The following ITPR1 variants were observed in gnomAD, a reference collection of about 807,000 sequenced individuals.
ITPR1 encodes inositol 1,4,5-trisphosphate-gated calcium channel ITPR1.
A neutral mutation model predicts 318.4 loss-of-function variants in ITPR1; 96 were observed. The observed-to-expected ratio is 0.30, with a 90% CI of 0.26 to 0.36. ITPR1 has a LOEUF of 0.36. ITPR1 is among the 10% of genes least tolerant of loss of function. ITPR1 has a pLI of 1.00. For synonymous variants in ITPR1, 1,312 were observed against 1,289.9 expected (o/e 1.02, Z -0.37); for missense variants, 2,440 against 3,460.2 (o/e 0.71, Z 7.40).
intron 37 of ITPR1, among the ~76,000 whole-genome samples, chr3:4,708,049 A>G (rs1251239333): frequency 6.6e-6 from 1 of 152,154 alleles, no homozygotes; most frequent in Non-Finnish European, 1.5e-5. Flanking sequence ...AAAGATTCTG[A>G]TGAGGAAACT....
chr3:4,778,553 G>A (rs1378499050), intron 48 of ITPR1, among the ~76,000 whole-genome samples: 1 of 152,126 alleles, frequency 6.6e-6, no homozygotes, highest in Non-Finnish European at 1.5e-5. Context: ...TTGGGTGTGT[G>A]GTTTAAATGG....
At chr3:4,742,849 T>A (rs1575091412) in intron 44 of ITPR1, among the ~76,000 whole-genome samples, 1 of 152,238 alleles carries the variant, frequency 6.6e-6, no homozygotes, top group Non-Finnish European at 1.5e-5. Context: ...ATATTTTCTA[T>A]TTTTGCATAG....
intron 4 of ITPR1, among the ~76,000 whole-genome samples, chr3:4,524,924 G>C (rs904909906): frequency 1.3e-5 from 2 of 152,186 alleles, no homozygotes; most frequent in Non-Finnish European, 2.9e-5. Flanking sequence ...TAAGGTCATT[G>C]AGAAGATTAA....
At chr3:4,737,871 T>C (rs1044880904) in intron 44 of ITPR1, among the ~76,000 whole-genome samples, 2 of 152,222 alleles carry the variant, frequency 1.3e-5, no homozygotes, top group South Asian at 2.1e-4. Context: ...GTTACATGAC[T>C]GTGCACATGT....
chr3:4,737,417 A>G (rs1321367749), intron 44 of ITPR1, among the ~76,000 whole-genome samples: 1 of 152,164 alleles, frequency 6.6e-6, no homozygotes, highest in Non-Finnish European at 1.5e-5. Context: ...GAAAGGGGGA[A>G]ATTGGGCATG....
At chr3:4,702,168 T>C (rs923218819) in intron 35 of ITPR1, among the ~76,000 whole-genome samples, 2 of 152,212 alleles carry the variant, frequency 1.3e-5, no homozygotes, top group Non-Finnish European at 2.9e-5. Flanking sequence ...GTTTGAGTAC[T>C]CTTACTTTAA....
At chr3:4,792,718 G>A (rs976028275) in intron 52 of ITPR1, among the ~76,000 whole-genome samples, 2 of 152,116 alleles carry the variant, frequency 1.3e-5, no homozygotes, top group African/African-American at 4.8e-5. Context: ...AGAGAGAGGG[G>A]AGGAGAAGGA....
At chr3:4,537,729 TTC>T (rs34482691) in intron 4 of ITPR1, among the ~76,000 whole-genome samples, 28,644 of 152,088 alleles carry the variant, frequency 0.19, 3,055 homozygotes, top group African/African-American at 0.3. Context: ...AGAAAATTGA[TTC>T]TCTCTTGAAG....
chr3:4,808,758 G>A (rs1031146528), intron 55 of ITPR1, among the ~76,000 whole-genome samples: 1 of 152,224 alleles, frequency 6.6e-6, no homozygotes, highest in Non-Finnish European at 1.5e-5. Context: ...AGAGAGACCT[G>A]AGCAGGGAAC....
intron 4 of ITPR1, among the ~76,000 whole-genome samples, chr3:4,555,661 TC>T (rs1240061609): frequency 6.6e-6 from 1 of 152,224 alleles, no homozygotes; most frequent in Admixed American, 6.5e-5. Context: ...TGAGGATTAT[TC>T]CATAGTATGG....
At position 4,713,968 on chromosome 3, in the gene ITPR1, CCAATGCTTGA is replaced by C. The variant is rs2041576332; in HGVS notation, c.5103+2102_5103+2111del. On this transcript the variant is annotated intron_variant, in intron 39 of 61. Transcript: ENST00000649015. ...CTGCAAGACTTGTCGTGCTTCTGGC[CCAATGCTTGA>C]CTGCCAGGAAATGCTACTTAGCCAT... Among the ~76,000 whole-genome samples the C allele has an allele frequency of 2.0e-5, 3 of 152,202 alleles. 1 individual carries two copies. The South Asian group carries it at 6.2e-4, about 32-fold the overall frequency.
chr3:4,529,450 A>T (rs1053363050), intron 4 of ITPR1, among the ~76,000 whole-genome samples: 3 of 152,216 alleles, frequency 2.0e-5, no homozygotes, highest in Non-Finnish European at 4.4e-5. Flanking sequence ...ACTGTGGTTG[A>T]TTACGGACTT....
At chr3:4,791,625 T>G (rs772279157) in intron 52 of ITPR1, among the ~76,000 whole-genome samples, 2 of 152,210 alleles carry the variant, frequency 1.3e-5, no homozygotes, top group Non-Finnish European at 2.9e-5. Flanking sequence ...TAAGGTACAG[T>G]GAGGAATTCA....
intron 4 of ITPR1, among the ~76,000 whole-genome samples, chr3:4,586,844 C>T (rs1198466553): frequency 2.0e-5 from 3 of 151,902 alleles, no homozygotes; most frequent in Non-Finnish European, 4.4e-5. Context: ...CAGATCTTTG[C>T]CCTGCTTTGT....
chr3:4,580,764 C>T (rs1005581955), intron 4 of ITPR1, among the ~76,000 whole-genome samples: 1 of 150,842 alleles, frequency 6.6e-6, no homozygotes, highest in Admixed American at 6.6e-5. Flanking sequence ...ACTGAGCATG[C>T]CTAGTCCTTC....
intron 4 of ITPR1, among the ~76,000 whole-genome samples, chr3:4,555,292 G>A (rs2086010686): frequency 2.6e-5 from 4 of 152,154 alleles, no homozygotes; most frequent in Admixed American, 2.6e-4. Context: ...AGATTGTACA[G>A]GTAGTTATTA....
At chr3:4,662,607 C>T (rs1471261767) in intron 15 of ITPR1, among the ~76,000 whole-genome samples, 2 of 152,092 alleles carry the variant, frequency 1.3e-5, no homozygotes, top group Non-Finnish European at 2.9e-5. Context: ...CCTGTAATCC[C>T]AGCTCCTCAG....
chr3:4,796,503 A>C (rs2047909024), intron 53 of ITPR1, among the ~76,000 whole-genome samples: 1 of 152,318 alleles, frequency 6.6e-6, no homozygotes, highest in East Asian at 1.9e-4. Flanking sequence ...CTTTCGCCTC[A>C]GGGAAGTTGT....
chr3:4,649,467 CCAAA>C (rs1301349549), intron 10 of ITPR1, among the ~76,000 whole-genome samples: 3 of 152,146 alleles, frequency 2.0e-5, no homozygotes, highest in African/African-American at 7.2e-5. Flanking sequence ...TTGATCACCC[CCAAA>C]CAAATACTAT....
Sources: gnomAD v4.1 joint callset for allele counts (sites outside exome capture counted in the v4.1 genomes callset) on GRCh38, gnomAD v4.1.1 for gene constraint, MANE v1.5 for transcripts, NCBI Gene and HGNC (gene_info 2026-07-23, HGNC 2026-07-21) for gene names.